IL21R: variants seen among roughly 807,000 people sequenced by gnomAD.
The protein encoded by IL21R is interleukin 21 receptor.
Under a neutral mutation model 41.3 loss-of-function variants are expected in IL21R, and 14 were observed. The observed-to-expected ratio is 0.34, with a 90% confidence interval of 0.22 to 0.53. IL21R has a LOEUF of 0.53. IL21R is among the 20% of genes least tolerant of loss of function. The pLI, the probability that IL21R is intolerant of heterozygous loss-of-function variation, is 0.94. For missense variants in IL21R, 588 were observed against 681.6 expected, an observed-to-expected ratio of 0.86 and a Z score of 1.53; for synonymous variants, 286 against 287.6, an observed-to-expected ratio of 0.99 and a Z score of 0.05.
intron 3 of IL21R, among the ~76,000 whole-genome samples, chr16:27,436,663 C>G (rs978180989): frequency 7.9e-5 from 12 of 152,134 alleles, no homozygotes; most frequent in African/African-American, 2.2e-4. Flanking sequence ...GTTAAAAAGC[C>G]ACAGCATTTT....
In IL21R at chr16:27,449,215, C is replaced by T. The variant is rs752484051; in HGVS notation, c.1549C>T (p.Arg517Trp). 8 of 1,612,658 alleles carry T rather than the reference C, an allele frequency of 5.0e-6. No individual in the cohort carries two copies. The highest frequency in any genetic ancestry group is 3.3e-5 in the Admixed American group (2 of 59,980). Reference sequence around the variant, plus strand: ...CAGCCCCGGGGACGAAGGACCCCCCCGGAGCTACCTCCGCCAGTGGGTGGT... The same window carrying T: ...CAGCCCCGGGGACGAAGGACCCCCCTGGAGCTACCTCCGCCAGTGGGTGGT... The part of the protein sequence containing the change: ...FTSPGDEGPP[R>W]SYLRQWVVIP... The change falls in exon 9 of 9, where the codon CGG (arginine) becomes TGG (tryptophan). Residue 517 changes from arginine (R) to tryptophan (W), a missense_variant. Coordinates refer to ENST00000337929, the MANE Select transcript of IL21R (RefSeq NM_181078.3).
intron 1 of IL21R, among the ~76,000 whole-genome samples, chr16:27,405,186 C>A (rs1024381363): frequency 6.6e-6 from 1 of 152,024 alleles, no homozygotes; most frequent in African/African-American, 2.4e-5. Flanking sequence ...GCACCTGCCA[C>A]CACACCTGGC....
intron 1 of IL21R, chr16:27,403,065 G>A: frequency 2.0e-6 from 1 of 497,018 alleles, no homozygotes; most frequent in Non-Finnish European, 3.9e-6. Context: ...AATGGCTGGT[G>A]TGCCCATTTC....
chr16:27,402,696 C>T (rs1166992432), intron 1 of IL21R, 78 bp downstream of exon 1: 1 of 172,920 alleles, frequency 5.8e-6, no homozygotes, highest in Admixed American at 5.6e-5. Flanking sequence ...CCTGCTGCAT[C>T]TAGTGTCACA....
chr16:27,404,311 G>T (rs4140673), intron 1 of IL21R, among the ~76,000 whole-genome samples: 52,673 of 151,974 alleles, frequency 0.35, 9,715 homozygotes, highest in East Asian at 0.61. Flanking sequence ...GGGAGAGCAA[G>T]GCAAAGACAG....
At chr16:27,410,332 CAAAA>C (rs55702735) in intron 1 of IL21R, among the ~76,000 whole-genome samples, 1 of 103,530 alleles carries the variant, frequency 9.7e-6, no homozygotes. Context: ...GACTCCATCT[CAAAA>C]AAAAAAAAAA....
intron 1 of IL21R, chr16:27,403,148 G>T: frequency 9.1e-7 from 1 of 1,102,278 alleles, no homozygotes; most frequent in African/African-American, 1.6e-5. Context: ...GTAGCAGGTC[G>T]GGCAGTCAAG....
intron 1 of IL21R, among the ~76,000 whole-genome samples, chr16:27,408,323 C>T (rs562838002): frequency 6.6e-6 from 1 of 152,220 alleles, no homozygotes; most frequent in African/African-American, 2.4e-5. Flanking sequence ...AGCACATGCA[C>T]AGGTGTGCAA....
At position 27,449,060 on chromosome 16, in the gene IL21R, G is replaced by T; in HGVS notation, c.1394G>T (p.Trp465Leu). 1.9e-6 allele frequency: 3 copies of T among 1,612,796 alleles called. No individual in the cohort carries two copies. Among genetic ancestry groups the T allele is most frequent in the Non-Finnish European group, 2.5e-6 (3 of 1,179,780 alleles). Reference sequence around the variant, plus strand: ...GAGGACTGGGCTGGGGGACTGCCCTGGGGTGGCCGGTCACCTGGAGGGGTC... The same window carrying T: ...GAGGACTGGGCTGGGGGACTGCCCTTGGGTGGCCGGTCACCTGGAGGGGTC... Reference protein sequence around the residue: ...DGEDWAGGLPWGGRSPGGVSE... With the variant: ...DGEDWAGGLPLGGRSPGGVSE... The change falls in exon 9 of 9, where the codon TGG (tryptophan) becomes TTG (leucine). Residue 465 changes from tryptophan (W) to leucine (L), a missense_variant. Coordinates refer to ENST00000337929, the MANE Select transcript of IL21R (RefSeq NM_181078.3).
intron 4 of IL21R, among the ~76,000 whole-genome samples, chr16:27,441,249 C>T (rs2087383894): frequency 6.6e-6 from 1 of 152,198 alleles, no homozygotes; most frequent in African/African-American, 2.4e-5. Flanking sequence ...ATAGCTTCAT[C>T]CCTTTGAACT....
rs574130140 is a variant in IL21R, at chr16:27,451,563, A to T, written c.*2280A>T. 1.3e-3 allele frequency: 279 copies of T among 207,494 alleles called. No homozygotes were observed. Among genetic ancestry groups the T allele is most frequent in the African/African-American group, 5.0e-3 (218 of 43,920 alleles). 12.9% of individuals were successfully genotyped at this position (207,494 alleles called of 1,614,324 possible). A position where few individuals can be genotyped will look rare whatever the true frequency, so the allele number is the denominator to read the frequency against. On this transcript the variant is annotated 3_prime_UTR_variant, in exon 9 of 9. Coordinates refer to ENST00000337929, the MANE Select transcript of IL21R (RefSeq NM_181078.3). ...ATCTCTACAAAAATTATTATTTTTT[A>T]AAAAAATTAGCCAGGTGTGGTGGTG... is the stretch of plus-strand genomic sequence containing the variant.
rs1394444326 is a variant in IL21R, at chr16:27,451,102, T to C, written c.*1819T>C. On this transcript the variant is annotated 3_prime_UTR_variant, in exon 9 of 9. Transcript: ENST00000337929. ...GGGAGCACAAGAGTGGAAACACAGC[T>C]TCTGCACGGAGCAGGCGCAGCCCTC... The C allele has an allele frequency of 8.6e-6, 2 of 233,022 alleles. No individual in the cohort carries two copies. The highest frequency in any genetic ancestry group is 6.0e-5 in the East Asian group (1 of 16,586). 14.4% of individuals were successfully genotyped at this position (233,022 alleles called of 1,614,324 possible). A position where few individuals can be genotyped will look rare whatever the true frequency, so the allele number is the denominator to read the frequency against.
chr16:27,432,479 T>C (rs1292704236), intron 2 of IL21R, among the ~76,000 whole-genome samples: 1 of 152,166 alleles, frequency 6.6e-6, no homozygotes, highest in Non-Finnish European at 1.5e-5. Flanking sequence ...TCATCCCTGG[T>C]GCCACCTCCC....
chr16:27,439,380 A>ACACC lies in IL21R; in HGVS notation c.352+1696_352+1697insCCAC, dbSNP rs369002118. Reference sequence around the variant, plus strand: ...CATACATACACACACACACACACACACACGTACACAATACACACACACTCA... The same window carrying ACACC: ...CATACATACACACACACACACACACACACCCACGTACACAATACACACACACTCA... On this transcript the variant is annotated intron_variant, in intron 4 of 8. Transcript: ENST00000337929. 3.8e-3 allele frequency among the ~76,000 whole-genome samples: 561 copies of ACACC among 147,050 alleles called. 6 individuals are homozygous for ACACC. The highest frequency in any genetic ancestry group is 0.014 in the African/African-American group (511 of 37,434).
chr16:27,436,000 T>A (rs528959380), intron 3 of IL21R, among the ~76,000 whole-genome samples: 27 of 152,292 alleles, frequency 1.8e-4, no homozygotes, highest in African/African-American at 6.3e-4. Context: ...CTCGAACTCC[T>A]GGCCTCAAGT....
chr16:27,432,900 T>G (rs989873210), intron 2 of IL21R, among the ~76,000 whole-genome samples: 5 of 152,200 alleles, frequency 3.3e-5, no homozygotes, highest in African/African-American at 1.2e-4. Flanking sequence ...TGTGCGGCTA[T>G]GAAAAACTAG....
intron 4 of IL21R, among the ~76,000 whole-genome samples, chr16:27,442,364 T>C (rs2087403889): frequency 6.6e-6 from 1 of 152,110 alleles, no homozygotes. Flanking sequence ...TTTTATTTAT[T>C]TATTTTTGTT....
intron 1 of IL21R, among the ~76,000 whole-genome samples, chr16:27,429,634 C>T (rs541749689): frequency 1.3e-5 from 2 of 152,002 alleles, no homozygotes; most frequent in South Asian, 2.1e-4. Flanking sequence ...ATTAGCCAGG[C>T]GTGGTGGCAC....
At chr16:27,417,522 A>G (rs543694592) in intron 1 of IL21R, among the ~76,000 whole-genome samples, 82 of 152,342 alleles carry the variant, frequency 5.4e-4, no homozygotes, top group Non-Finnish European at 9.6e-4. Context: ...GGAAACAGTC[A>G]TACATTGCTT....
Sources: gnomAD v4.1 joint callset for allele counts (sites outside exome capture counted in the v4.1 genomes callset) on GRCh38, gnomAD v4.1.1 for gene constraint, MANE v1.5 for transcripts, NCBI Gene and HGNC (gene_info 2026-07-23, HGNC 2026-07-21) for gene names.